Variants in MCC observed in about 807,000 individuals in gnomAD.
MCC encodes the protein MCC regulator of Wnt signaling pathway, also known as colorectal mutant cancer protein.
In MCC, 90 loss-of-function variants were observed where a neutral mutation model predicts 116.2. That is an observed-to-expected ratio of 0.77 (90% confidence interval 0.65 to 0.92). MCC has a LOEUF of 0.92. Ranked by LOEUF, MCC falls within the 40% of genes least tolerant of loss-of-function variation. The pLI, the probability that MCC is intolerant of heterozygous loss-of-function variation, is 0.00. For synonymous variants in MCC, 578 were observed against 510.5 expected (o/e 1.13, Z -1.78); for missense variants, 1,516 against 1,312.2 (o/e 1.16, Z -2.40).
chr5:113,301,672 G>A (rs1162936427), intron 3 of MCC, among the ~76,000 whole-genome samples: 1 of 152,156 alleles, frequency 6.6e-6, no homozygotes, highest in Non-Finnish European at 1.5e-5. Context: ...GGTAAAGAAG[G>A]AGCCAACTAG....
At position 113,456,623 on chromosome 5, in the gene MCC, A is replaced by ATTTTTTTTTTTTTTTTTTTT. The variant is rs34111159; in HGVS notation, c.170+31602_170+31621dup. On this transcript the variant is annotated intron_variant, in intron 1 of 18. Transcript: ENST00000408903. The stretch of plus-strand genomic sequence containing the variant: ...AGTCACCCGCCACCATGCCCAGCTA[A>ATTTTTTTTTTTTTTTTTTTT]TTTTTTTTTTTTTTTTTTTTTTTTT... 2.2e-4 allele frequency among the ~76,000 whole-genome samples: 11 copies of ATTTTTTTTTTTTTTTTTTTT among 51,074 alleles called. 1 individual carries two copies. Among genetic ancestry groups the ATTTTTTTTTTTTTTTTTTTT allele is most frequent in the East Asian group, 2.0e-3 (3 of 1,466 alleles). 33.5% of individuals were successfully genotyped at this position (51,074 alleles called of 152,430 possible). A position where few individuals can be genotyped will look rare whatever the true frequency, so the allele number is the denominator to read the frequency against.
chr5:113,127,021 C>T (rs1584057), intron 5 of MCC, among the ~76,000 whole-genome samples: 4 of 152,170 alleles, frequency 2.6e-5, no homozygotes, highest in Non-Finnish European at 5.9e-5. Flanking sequence ...TCCCTCCTCC[C>T]ACCATCCACC....
intron 1 of MCC, among the ~76,000 whole-genome samples, chr5:113,406,204 AG>A (rs1769829524): frequency 6.6e-6 from 1 of 152,218 alleles, no homozygotes. Flanking sequence ...AAACACAAAC[AG>A]CACTAAGTTA....
chr5:113,081,195 C>T (rs917599266), intron 11 of MCC, among the ~76,000 whole-genome samples: 1 of 152,106 alleles, frequency 6.6e-6, no homozygotes, highest in Non-Finnish European at 1.5e-5. Flanking sequence ...TTTCTAAGAA[C>T]CCCCAGGTTC....
chr5:113,324,345 T>C (rs1225252351), intron 3 of MCC, among the ~76,000 whole-genome samples: 1 of 152,218 alleles, frequency 6.6e-6, no homozygotes, highest in Non-Finnish European at 1.5e-5. Flanking sequence ...AATTTTTAAT[T>C]ATGCAGATAA....
At chr5:113,289,427 C>T (rs13177178) in intron 3 of MCC, among the ~76,000 whole-genome samples, 13,540 of 151,754 alleles carry the variant, frequency 0.089, 891 homozygotes, top group Non-Finnish European at 0.12. Context: ...AAATTGGTTG[C>T]AAATTCTTTG....
At chr5:113,458,720 T>C (rs770173987) in intron 1 of MCC, among the ~76,000 whole-genome samples, 3 of 152,194 alleles carry the variant, frequency 2.0e-5, no homozygotes, top group African/African-American at 4.8e-5. Context: ...CCTGAGCTGC[T>C]GAGACAATTA....
At chr5:113,111,283 C>T (rs374269661) in intron 6 of MCC, among the ~76,000 whole-genome samples, 5 of 152,320 alleles carry the variant, frequency 3.3e-5, no homozygotes, top group African/African-American at 1.2e-4. Flanking sequence ...TTGTCCCCTC[C>T]CCATGGCTGT....
chr5:113,157,020 G>A (rs532089346), intron 3 of MCC, among the ~76,000 whole-genome samples: 82 of 152,274 alleles, frequency 5.4e-4, no homozygotes, highest in African/African-American at 1.9e-3. Flanking sequence ...CCTTTGCTAA[G>A]TGAATAGATG....
At chr5:113,407,536 C>T (rs1260895106) in intron 1 of MCC, among the ~76,000 whole-genome samples, 1 of 152,168 alleles carries the variant, frequency 6.6e-6, no homozygotes, top group African/African-American at 2.4e-5. Context: ...CTCCACAGTA[C>T]TGCTCCTGTA....
intron 3 of MCC, among the ~76,000 whole-genome samples, chr5:113,180,402 C>T (rs1561433114): frequency 1.3e-5 from 2 of 152,176 alleles, no homozygotes; most frequent in Admixed American, 6.5e-5. Context: ...AGAGAACCCA[C>T]CAGAAAAACC....
intron 1 of MCC, among the ~76,000 whole-genome samples, chr5:113,430,687 G>C (rs958379126): frequency 6.6e-6 from 1 of 152,174 alleles, no homozygotes; most frequent in Non-Finnish European, 1.5e-5. Context: ...TTTGTTTGTA[G>C]GAGGGCATGG....
At position 113,024,866 on chromosome 5, in the gene MCC, AGCTTTTTT is replaced by A. The variant is rs1750421145; in HGVS notation, c.*2428_*2435del. On this transcript the variant is annotated 3_prime_UTR_variant, in exon 19 of 19. Coordinates refer to ENST00000408903, the MANE Select transcript of MCC (RefSeq NM_001085377.2). ...ATACAAGAAAAGGAAAAACTTTTAT[AGCTTTTTT>A]ATTATACATATTTATAAAAAATTAA... The A allele has an allele frequency of 6.6e-6, 1 of 152,248 alleles. No individual in the cohort carries two copies. Among genetic ancestry groups the A allele is most frequent in the Non-Finnish European group, 1.5e-5 (1 of 68,048 alleles). The allele number at this position is 152,248 out of a possible 1,614,324, so 9.4% of individuals were successfully genotyped here.
At chr5:113,065,234 C>G (rs978937223) in intron 13 of MCC, among the ~76,000 whole-genome samples, 1 of 152,102 alleles carries the variant, frequency 6.6e-6, no homozygotes, top group African/African-American at 2.4e-5. Context: ...TCACTTGTAA[C>G]TAATATACTA....
chr5:113,069,325 T>C (rs924861091), intron 12 of MCC, among the ~76,000 whole-genome samples: 2 of 152,250 alleles, frequency 1.3e-5, no homozygotes, highest in African/African-American at 4.8e-5. Context: ...CTCTTCTTTG[T>C]GCCCAACATT....
intron 3 of MCC, among the ~76,000 whole-genome samples, chr5:113,292,587 T>A (rs975501783): frequency 2.0e-5 from 3 of 150,904 alleles, no homozygotes; most frequent in African/African-American, 4.9e-5. Flanking sequence ...GCAAAAAAAA[T>A]GGGTAATTTT....
At chr5:113,093,845 A>C (rs1755821395) in intron 8 of MCC, among the ~76,000 whole-genome samples, 1 of 152,216 alleles carries the variant, frequency 6.6e-6, no homozygotes, top group South Asian at 2.1e-4. Flanking sequence ...CATAAAAGAA[A>C]GAGCCTGTTC....
intron 3 of MCC, among the ~76,000 whole-genome samples, chr5:113,162,094 AAC>A (rs1760517851): frequency 6.6e-6 from 1 of 151,224 alleles, no homozygotes; most frequent in Non-Finnish European, 1.5e-5. Context: ...TGCTTCAGAG[AAC>A]AGTGTGTTTA....
At chr5:113,268,497 C>A (rs1465259010) in intron 3 of MCC, among the ~76,000 whole-genome samples, 4 of 152,152 alleles carry the variant, frequency 2.6e-5, no homozygotes, top group African/African-American at 9.7e-5. Context: ...GATACTTAGA[C>A]AACAAGAAAA....
Sources: allele counts gnomAD v4.1 joint callset (sites outside exome capture counted in the v4.1 genomes callset), GRCh38; gene constraint gnomAD v4.1.1; transcripts MANE v1.5; gene names NCBI Gene and HGNC (gene_info 2026-07-23, HGNC 2026-07-21).